SLC12A8: variants seen among roughly 807,000 people sequenced by gnomAD.
SLC12A8 encodes solute carrier family 12 member 8, also known as cation-chloride cotransporter 9.
SLC12A8 carries 69 observed loss-of-function variants against 75.6 expected under a neutral mutation model. The ratio of observed to expected loss-of-function variants is 0.91; its 90% confidence interval spans 0.75 to 1.11. The LOEUF is 1.11. Ranked by LOEUF, SLC12A8 falls within the 50% of genes most tolerant of loss-of-function variation. The pLI is 0.00. For missense variants in SLC12A8, 877 were observed against 896.7 expected (o/e 0.98, Z 0.28); for synonymous variants, 365 against 372.8 (o/e 0.98, Z 0.24).
At chr3:125,134,348 GA>G (rs146775769) in intron 6 of SLC12A8, among the ~76,000 whole-genome samples, 11,083 of 152,018 alleles carry the variant, frequency 0.073, 487 homozygotes, top group Admixed American at 0.095. Flanking sequence ...GACCTGAGGT[GA>G]TCCACCTGCC....
intron 6 of SLC12A8, among the ~76,000 whole-genome samples, chr3:125,129,066 G>C (rs894212020): frequency 2.0e-5 from 3 of 152,232 alleles, no homozygotes; most frequent in East Asian, 1.9e-4. Context: ...AGTAAAGGCT[G>C]TAGGTTTCCT....
At chr3:125,140,272 C>T (rs1933597043) in intron 5 of SLC12A8, among the ~76,000 whole-genome samples, 1 of 152,192 alleles carries the variant, frequency 6.6e-6, no homozygotes, top group Non-Finnish European at 1.5e-5. Flanking sequence ...CTTACAATGT[C>T]ATACTTGTAC....
intron 8 of SLC12A8, among the ~76,000 whole-genome samples, chr3:125,114,429 G>T (rs1483270668): frequency 1.3e-5 from 2 of 152,170 alleles, no homozygotes; most frequent in African/African-American, 4.8e-5. Flanking sequence ...GTTTTAGGGG[G>T]GTTTTGTATT....
At chr3:125,092,909 A>G (rs1301628477) in intron 10 of SLC12A8, among the ~76,000 whole-genome samples, 2 of 152,160 alleles carry the variant, frequency 1.3e-5, no homozygotes, top group African/African-American at 4.8e-5. Context: ...CAGAGTAGTG[A>G]AGTTTGGGCT....
chr3:125,091,995 CT>C, intron 11 of SLC12A8, 105 bp downstream of exon 11: 2 of 691,966 alleles, frequency 2.9e-6, no homozygotes, highest in East Asian at 5.3e-5. Context: ...AATCACATTG[CT>C]TCTAATTAGG....
Position 125,088,207 on chromosome 3 carries a change from C to T in SLC12A8, c.1982+103G>A, listed in dbSNP as rs1489794492. The T allele has an allele frequency of 3.9e-5, 46 of 1,192,488 alleles. 1 individual carries two copies. Among genetic ancestry groups the T allele is most frequent in the Non-Finnish European group, 4.3e-5 (35 of 814,964 alleles). 73.9% of individuals were successfully genotyped at this position (1,192,488 alleles called of 1,614,324 possible). On this transcript the variant is annotated intron_variant, in intron 13 of 13. Coordinates refer to ENST00000469902, the MANE Select transcript of SLC12A8 (RefSeq NM_024628.6). ...GGTGCCCAGTTGTTAGGTTCCCATG[C>T]CACAATCCAGGCCCAAGCCCAGCCA...
At chr3:125,129,301 T>C (rs1933295935) in intron 6 of SLC12A8, among the ~76,000 whole-genome samples, 1 of 152,212 alleles carries the variant, frequency 6.6e-6, no homozygotes, top group African/African-American at 2.4e-5. Flanking sequence ...TGTGAAACCC[T>C]GGAGAGGAGA....
intron 2 of SLC12A8, among the ~76,000 whole-genome samples, chr3:125,199,010 C>T (rs1195866493): frequency 6.6e-6 from 1 of 151,914 alleles, no homozygotes; most frequent in Non-Finnish European, 1.5e-5. Context: ...GATCTCCTGA[C>T]CTCGTGATCC....
chr3:125,089,557 G>A (rs1343765853), intron 12 of SLC12A8, among the ~76,000 whole-genome samples: 1 of 150,088 alleles, frequency 6.7e-6, no homozygotes, highest in African/African-American at 2.5e-5. Context: ...GCTAACATAA[G>A]GACCTCTTCT....
intron 8 of SLC12A8, among the ~76,000 whole-genome samples, chr3:125,111,361 A>C (rs1939182696): frequency 6.6e-6 from 1 of 152,210 alleles, no homozygotes; most frequent in South Asian, 2.1e-4. Context: ...TCAGGGCTAA[A>C]AGTGCTAAGG....
intron 8 of SLC12A8, among the ~76,000 whole-genome samples, chr3:125,116,021 T>A (rs1939302561): frequency 6.6e-6 from 1 of 152,140 alleles, no homozygotes; most frequent in Admixed American, 6.5e-5. Context: ...ATTCTCCAGG[T>A]ACTGCCAGTA....
intron 6 of SLC12A8, among the ~76,000 whole-genome samples, chr3:125,124,776 T>A (rs1158401883): frequency 1.3e-5 from 2 of 152,236 alleles, no homozygotes; most frequent in Non-Finnish European, 2.9e-5. Flanking sequence ...TTATTTTGAC[T>A]TAGTATTTTT....
chr3:125,108,007 C>T lies in SLC12A8; in HGVS notation c.1179G>A (p.Leu393=), dbSNP rs758259492. ...LAPIVTINFM[L]TYVAVDYSYF... ...AAGAGTAGTCCACTGCAACGTATGT[C>T]AGCATGAAGTTGATGGTGACGATGG... The change falls in exon 10 of 14, where the codon CTG becomes CTA. Residue 393 remains leucine (L), a synonymous_variant. Transcript: ENST00000469902. 1.2e-5 allele frequency: 20 copies of T among 1,614,122 alleles called. No homozygotes were observed. Among genetic ancestry groups the T allele is most frequent in the Admixed American group, 6.7e-5 (4 of 60,012 alleles).
chr3:125,165,420 G>A (rs1934263434), intron 5 of SLC12A8, among the ~76,000 whole-genome samples: 1 of 152,214 alleles, frequency 6.6e-6, no homozygotes, highest in Non-Finnish European at 1.5e-5. Context: ...GCTCACTGGA[G>A]CCCAGAAGAC....
Position 125,108,128 on chromosome 3 carries a change from T to C in SLC12A8, c.1060-2A>G. On this transcript the variant is annotated splice_acceptor_variant, in intron 9 of 13. Coordinates refer to ENST00000469902, the MANE Select transcript of SLC12A8 (RefSeq NM_024628.6). LOFTEE classifies it high-confidence loss of function. ...CACGGGTGTTTTGTTTGGCCCCTTC[T>C]GCAGGAACAAAAATAACATGCAGGA... is the stretch of plus-strand genomic sequence containing the variant. 2 of 1,608,286 alleles carry C rather than the reference T, an allele frequency of 1.2e-6. No homozygotes were observed. The highest frequency in any genetic ancestry group is 2.2e-5 in the South Asian group (2 of 90,372).
chr3:125,122,628 G>A (rs921973219), intron 6 of SLC12A8, among the ~76,000 whole-genome samples: 1 of 152,166 alleles, frequency 6.6e-6, no homozygotes, highest in African/African-American at 2.4e-5. Flanking sequence ...AGGAAAACCA[G>A]GGCTGGACGT....
At position 125,185,296 on chromosome 3, in the gene SLC12A8, G is replaced by T. The variant is rs570535353; in HGVS notation, c.390+1941C>A. 5.7e-4 allele frequency among the ~76,000 whole-genome samples: 87 copies of T among 151,306 alleles called. 1 individual carries two copies. The South Asian group carries it at 0.018, about 31-fold the overall frequency. On this transcript the variant is annotated intron_variant, in intron 4 of 13. Transcript: ENST00000469902. ...GATCACGCCATTGCACACCAGCCTGGGAAACAAGAGCAAAACGGCGTCTCA... is the reference window on the plus strand; with the variant it reads ...GATCACGCCATTGCACACCAGCCTGTGAAACAAGAGCAAAACGGCGTCTCA...
At chr3:125,104,171 T>C (rs767614435) in intron 10 of SLC12A8, among the ~76,000 whole-genome samples, 12 of 152,122 alleles carry the variant, frequency 7.9e-5, no homozygotes, top group Non-Finnish European at 1.0e-4. Context: ...GGTGGAGTGA[T>C]CATAGCTCAT....
chr3:125,179,145 T>C (rs190340921), intron 4 of SLC12A8, among the ~76,000 whole-genome samples: 1 of 152,316 alleles, frequency 6.6e-6, no homozygotes, highest in African/African-American at 2.4e-5. Flanking sequence ...GAACAAATTC[T>C]ATTAGGGCCT....
Sources: gnomAD v4.1 joint callset for allele counts (sites outside exome capture counted in the v4.1 genomes callset) on GRCh38, gnomAD v4.1.1 for gene constraint, MANE v1.5 for transcripts, NCBI Gene and HGNC (gene_info 2026-07-23, HGNC 2026-07-21) for gene names.